The following FGF8 variants were observed in gnomAD, a reference collection of about 807,000 sequenced individuals.
FGF8 encodes fibroblast growth factor 8.
FGF8 carries 12 observed loss-of-function variants against 29.7 expected under a neutral mutation model. That is an observed-to-expected ratio of 0.40 (90% confidence interval 0.26 to 0.65). FGF8 has a LOEUF of 0.65. Ranked by LOEUF, FGF8 falls within the 30% of genes least tolerant of loss-of-function variation. The pLI is 0.37. For synonymous variants in FGF8, 157 were observed against 144.4 expected (o/e 1.09, Z -0.63); for missense variants, 271 against 345.1 (o/e 0.79, Z 1.70).
At position 101,770,265 on chromosome 10, in the gene FGF8, T is replaced by A; in HGVS notation, c.*64A>T. Reference sequence around the variant, plus strand: ...CAGCGCACAGCTCATCTTGCTTGAGTTTTGGGTGCCCTACAGGATGAGCCT... The same window carrying A: ...CAGCGCACAGCTCATCTTGCTTGAGATTTGGGTGCCCTACAGGATGAGCCT... On this transcript the variant is annotated 3_prime_UTR_variant, in exon 6 of 6. Coordinates refer to ENST00000320185, the MANE Select transcript of FGF8 (RefSeq NM_033163.5). 1 of 1,468,242 alleles carries A rather than the reference T, an allele frequency of 6.8e-7. No homozygotes were observed. The highest frequency in any genetic ancestry group is 1.3e-5 in the South Asian group (1 of 74,560). The allele number at this position is 1,468,242 out of a possible 1,614,324, so 91.0% of individuals were successfully genotyped here.
At position 101,771,023 on chromosome 10, in the gene FGF8, TA is replaced by T. The variant is rs1252520975; in HGVS notation, c.445-405del. ...GGAGGGGAGGCCTGGGAGAAGATGC[TA>T]AGACCCCAGCCCCAGAAGCCCAGGA... On this transcript the variant is annotated intron_variant, in intron 5 of 5. Transcript: ENST00000320185. The surrounding 1 kb of genome is among the most constrained non-coding windows in gnomAD (Gnocchi z 5.3). Among the ~76,000 whole-genome samples the T allele has an allele frequency of 1.3e-5, 2 of 151,700 alleles. No homozygotes were observed. The highest frequency in any genetic ancestry group is 2.9e-5 in the Non-Finnish European group (2 of 67,958).
upstream of FGF8, among the ~76,000 whole-genome samples, chr10:101,778,325 G>A (rs971700205): frequency 6.6e-5 from 10 of 152,230 alleles, no homozygotes; most frequent in South Asian, 4.1e-4. Flanking sequence ...CCATCCAACA[G>A]TGTTTGCATG....
Position 101,775,096 on chromosome 10 carries a change from G to A in FGF8, c.156+34C>T. The A allele has an allele frequency of 6.5e-7, 1 of 1,538,770 alleles. No individual in the cohort carries two copies. Among genetic ancestry groups the A allele is most frequent in the Non-Finnish European group, 8.8e-7 (1 of 1,138,092 alleles). On this transcript the variant is annotated intron_variant, in intron 3 of 5. Coordinates refer to ENST00000320185, the MANE Select transcript of FGF8 (RefSeq NM_033163.5). The surrounding 1 kb of genome is among the most constrained non-coding windows in gnomAD (Gnocchi z 4.6). ...ACGCAAGTCGGGCAGACCCAGCCCA[G>A]GATGAACGAGCCCCAGGGAGAAGCT...
At chr10:101,777,528 G>T (rs3218226), upstream of FGF8, among the ~76,000 whole-genome samples, 231 of 152,314 alleles carry the variant, frequency 1.5e-3, 7 homozygotes, top group South Asian at 0.047. Flanking sequence ...AGCCATAAAT[G>T]CAAACACTGA....
At position 101,775,155 on chromosome 10, in the gene FGF8, C is replaced by T. The variant is rs1293990615; in HGVS notation, c.131G>A (p.Arg44Gln). ...CTGTTGGGAGACACCCTGGGGCTCCCGGCCAGCCCGGAACAGGGAAGCGAG... is the reference window on the plus strand; with the variant it reads ...CTGTTGGGAGACACCCTGGGGCTCCTGGCCAGCCCGGAACAGGGAAGCGAG... ...RELASLFRAG[R>Q]EPQGVSQQVT... Residue 44 changes from arginine (R) to glutamine (Q), a missense_variant, in exon 3 of 6, where the codon CGG becomes CAG. This residue lies in a region of FGF8 where 168 missense variants were observed against 207.0 expected (regional missense o/e 0.81). Coordinates refer to ENST00000320185, the MANE Select transcript of FGF8 (RefSeq NM_033163.5). This position sits in a 1 kb window ranked among gnomAD's most constrained non-coding sequence, Gnocchi z 4.6. The T allele has an allele frequency of 1.3e-6, 2 of 1,547,970 alleles. No homozygotes were observed. The highest frequency in any genetic ancestry group is 2.0e-5 in the Admixed American group (1 of 51,072).
Position 101,771,355 on chromosome 10 carries a change from T to G in FGF8, c.444+108A>C, listed in dbSNP as rs2065022307. 1 of 835,788 alleles carries G rather than the reference T, an allele frequency of 1.2e-6. No homozygotes were observed. The allele number at this position is 835,788 out of a possible 1,614,324, so 51.8% of individuals were successfully genotyped here. On this transcript the variant is annotated intron_variant, in intron 5 of 5. Transcript: ENST00000320185. This position sits in a 1 kb window ranked among gnomAD's most constrained non-coding sequence, Gnocchi z 5.3. The stretch of plus-strand genomic sequence containing the variant: ...GTAACCCCAAGATGGCCCTGTGGCC[T>G]TCTGCCTACCTTGTTGGGATCAGAG...
In FGF8 at chr10:101,775,779, G is replaced by A. The variant is rs1288165888; in HGVS notation, c.33-3C>T. The A allele has an allele frequency of 7.1e-6, 11 of 1,544,200 alleles. No individual in the cohort carries two copies. Among genetic ancestry groups the A allele is most frequent in the Non-Finnish European group, 9.6e-6 (11 of 1,145,506 alleles). ...AGAGGACCAGCAAGTGCAACAGCCTGTGGGAGACAAAAGCGGGCGGGAGAG... is the reference window on the plus strand; with the variant it reads ...AGAGGACCAGCAAGTGCAACAGCCTATGGGAGACAAAAGCGGGCGGGAGAG... On this transcript the variant is annotated splice_region_variant and splice_polypyrimidine_tract_variant and intron_variant, in intron 1 of 5. Coordinates refer to ENST00000320185, the MANE Select transcript of FGF8 (RefSeq NM_033163.5). The surrounding 1 kb of genome is among the most constrained non-coding windows in gnomAD (Gnocchi z 4.6).
At chr10:101,777,921 G>A (rs1169100123), upstream of FGF8, among the ~76,000 whole-genome samples, 1 of 151,524 alleles carries the variant, frequency 6.6e-6, no homozygotes, top group Non-Finnish European at 1.5e-5. Context: ...GGCTTGGCAG[G>A]CACTGTCTCC....
intron 5 of FGF8, 102 bp from the exon 6 acceptor site, chr10:101,770,721 G>A: frequency 1.5e-6 from 2 of 1,323,804 alleles, no homozygotes; most frequent in Non-Finnish European, 2.1e-6. Context: ...AGATGGCGAG[G>A]TGGGCAGGAG....
chr10:101,770,985 G>A (rs994355791), intron 5 of FGF8, among the ~76,000 whole-genome samples: 1 of 152,104 alleles, frequency 6.6e-6, no homozygotes, highest in African/African-American at 2.4e-5. Flanking sequence ...CCCCAGGGCA[G>A]CCACCCTATG....
chr10:101,770,785 A>G (rs1399621902), intron 5 of FGF8, among the ~76,000 whole-genome samples, 166 bp from the exon 6 acceptor site: 1 of 152,198 alleles, frequency 6.6e-6, no homozygotes, highest in Non-Finnish European at 1.5e-5. Flanking sequence ...CACAACTCGC[A>G]GCCCACCCGG....
chr10:101,778,016 T>C (rs1363773466), upstream of FGF8, among the ~76,000 whole-genome samples: 5 of 152,242 alleles, frequency 3.3e-5, no homozygotes, highest in African/African-American at 9.6e-5. Context: ...AGCCCTTGCC[T>C]TCCCTGTGTT....
At chr10:101,779,401 G>A (rs1307994028), upstream of FGF8, among the ~76,000 whole-genome samples, 2 of 152,258 alleles carry the variant, frequency 1.3e-5, no homozygotes, top group Non-Finnish European at 2.9e-5. This position sits in a 1 kb window ranked among gnomAD's most constrained non-coding sequence, Gnocchi z 5.7. Flanking sequence ...GGGGTCTGAG[G>A]CCACAGTGAG....
In FGF8 at chr10:101,771,353, C is replaced by T. The variant is rs1025039219; in HGVS notation, c.444+110G>A. 3.7e-6 allele frequency: 3 copies of T among 811,934 alleles called. No homozygotes were observed. The highest frequency in any genetic ancestry group is 1.4e-5 in the South Asian group (1 of 72,614). 50.3% of individuals were successfully genotyped at this position (811,934 alleles called of 1,614,324 possible). A position where few individuals can be genotyped will look rare whatever the true frequency, so the allele number is the denominator to read the frequency against. On this transcript the variant is annotated intron_variant, in intron 5 of 5. Coordinates refer to ENST00000320185, the MANE Select transcript of FGF8 (RefSeq NM_033163.5). The surrounding 1 kb of genome is among the most constrained non-coding windows in gnomAD (Gnocchi z 5.3). ...AGGTAACCCCAAGATGGCCCTGTGGCCTTCTGCCTACCTTGTTGGGATCAG... is the reference window on the plus strand; with the variant it reads ...AGGTAACCCCAAGATGGCCCTGTGGTCTTCTGCCTACCTTGTTGGGATCAG...
chr10:101,771,421 TC>T lies in FGF8; in HGVS notation c.444+41del. On this transcript the variant is annotated intron_variant, in intron 5 of 5. Transcript: ENST00000320185. This position sits in a 1 kb window ranked among gnomAD's most constrained non-coding sequence, Gnocchi z 5.3. ...GAGGAGTCCAGCCAGCCCAAGCCAC[TC>T]CCTAGGTCCCGCGGACCCCACCTGC... 1 of 1,489,480 alleles carries T rather than the reference TC, an allele frequency of 6.7e-7. No homozygotes were observed. The highest frequency in any genetic ancestry group is 9.4e-7 in the Non-Finnish European group (1 of 1,066,870). The allele number at this position is 1,489,480 out of a possible 1,614,324, so 92.3% of individuals were successfully genotyped here. A position where few individuals can be genotyped will look rare whatever the true frequency, so the allele number is the denominator to read the frequency against.
Position 101,775,813 on chromosome 10 carries a change from G to C in FGF8, c.33-37C>G. The C allele has an allele frequency of 2.6e-6, 4 of 1,536,516 alleles. No homozygotes were observed. The highest frequency in any genetic ancestry group is 3.5e-6 in the Non-Finnish European group (4 of 1,143,086). Reference sequence around the variant, plus strand: ...AAAAGCGGGCGGGAGAGAGAGGCGCGGGTGAGGCGAGGGGCGCGGGGGGCG... The same window carrying C: ...AAAAGCGGGCGGGAGAGAGAGGCGCCGGTGAGGCGAGGGGCGCGGGGGGCG... On this transcript the variant is annotated intron_variant, in intron 1 of 5. Coordinates refer to ENST00000320185, the MANE Select transcript of FGF8 (RefSeq NM_033163.5). The surrounding 1 kb of genome is among the most constrained non-coding windows in gnomAD (Gnocchi z 4.6).
intron 3 of FGF8, 47 bp from the exon 4 acceptor site, chr10:101,774,959 C>T (rs765230725): frequency 1.3e-5 from 20 of 1,598,620 alleles, no homozygotes; most frequent in East Asian, 4.5e-5. Flanking sequence ...AATGCTACTC[C>T]GCCCAGGGGC....
chr10:101,777,109 A>T (rs1465184856), upstream of FGF8, among the ~76,000 whole-genome samples: 1 of 152,162 alleles, frequency 6.6e-6, no homozygotes, highest in East Asian at 1.9e-4. Context: ...TTACACACCT[A>T]CTGTATTCTA....
In FGF8 at chr10:101,775,799, G is replaced by C. The variant is rs1283410631; in HGVS notation, c.33-23C>G. On this transcript the variant is annotated intron_variant, in intron 1 of 5. Coordinates refer to ENST00000320185, the MANE Select transcript of FGF8 (RefSeq NM_033163.5). This position sits in a 1 kb window ranked among gnomAD's most constrained non-coding sequence, Gnocchi z 4.6. ...AGCCTGTGGGAGACAAAAGCGGGCG[G>C]GAGAGAGAGGCGCGGGTGAGGCGAG... The C allele has an allele frequency of 6.5e-7, 1 of 1,540,390 alleles. No individual in the cohort carries two copies. Among genetic ancestry groups the C allele is most frequent in the Admixed American group, 2.0e-5 (1 of 50,784 alleles).
Sources: allele counts gnomAD v4.1 joint callset (sites outside exome capture counted in the v4.1 genomes callset), GRCh38; gene constraint gnomAD v4.1.1; regional missense constraint gnomAD v4.1.1; non-coding constraint Gnocchi (gnomAD v3.1); transcripts MANE v1.5; gene names NCBI Gene and HGNC (gene_info 2026-07-23, HGNC 2026-07-21).